Variants in OTOG observed in about 807,000 individuals in gnomAD.
OTOG encodes otogelin.
OTOG carries 296 observed loss-of-function variants against 313.8 expected under a neutral mutation model. That is an observed-to-expected ratio of 0.94 (90% CI 0.86 to 1.04). The LOEUF is 1.04. OTOG is among the 50% of genes least tolerant of loss of function. OTOG has a pLI of 0.00. For missense variants in OTOG, 3,948 were observed against 3,840.1 expected, an observed-to-expected ratio of 1.03 and a Z score of -0.74; for synonymous variants, 1,533 against 1,554.9, an observed-to-expected ratio of 0.99 and a Z score of 0.33.
At position 17,555,772 on chromosome 11, in the gene OTOG, T is replaced by C. The variant is rs754249890; in HGVS notation, c.541-7T>C. ...CCTGCAAACCAGCCTCTGAACTCCC[T>C]ACTCAGGTACACAATGACCCGCAGT... On this transcript the variant is annotated splice_region_variant and splice_polypyrimidine_tract_variant and intron_variant, in intron 6 of 55. Transcript: ENST00000399397. The C allele has an allele frequency of 3.2e-6, 5 of 1,549,446 alleles. No individual in the cohort carries two copies. Among genetic ancestry groups the C allele is most frequent in the African/African-American group, 1.4e-5 (1 of 73,028 alleles).
Position 17,557,123 on chromosome 11 carries a change from A to G in OTOG, c.665A>G (p.Gln222Arg), listed in dbSNP as rs1277469690. 6.5e-7 allele frequency: 1 copy of G among 1,549,998 alleles called. No homozygotes were observed. The highest frequency in any genetic ancestry group is 8.7e-7 in the Non-Finnish European group (1 of 1,146,994). Residue 222 changes from glutamine (Q) to arginine (R), a missense_variant, in exon 8 of 56, where the codon CAA becomes CGA. Coordinates refer to ENST00000399397, the MANE Select transcript of OTOG (RefSeq NM_001292063.2). ...CTCTGGGATGTGCCCTGCAGGGTCC[A>G]ACTGCCACATGTCATGGGGAGCGCG... is the stretch of plus-strand genomic sequence containing the variant. ...KEVTHGGMRV[Q>R]LPHVMGSARL...
chr11:17,593,999 C>T (rs1462175980), intron 27 of OTOG, 48 bp from the exon 28 acceptor site: 6 of 1,549,574 alleles, frequency 3.9e-6, no homozygotes, highest in South Asian at 2.4e-5. Flanking sequence ...GCCCGTGGCT[C>T]ACCTCTGGCA....
chr11:17,590,491 T>C (rs1852904971), intron 24 of OTOG, among the ~76,000 whole-genome samples: 1 of 152,236 alleles, frequency 6.6e-6, no homozygotes, highest in Non-Finnish European at 1.5e-5. Flanking sequence ...CAGGCTGCCA[T>C]GATCTCTTCC....
rs1590044134 is a variant in OTOG, at chr11:17,613,593, G to A, written c.6439-19G>A. 1 of 1,548,680 alleles carries A rather than the reference G, an allele frequency of 6.5e-7. No individual in the cohort carries two copies. The highest frequency in any genetic ancestry group is 8.7e-7 in the Non-Finnish European group (1 of 1,145,274). On this transcript the variant is annotated intron_variant, in intron 38 of 55. Transcript: ENST00000399397. ...GAGGACAGGGCTCCAAGTTGATGAGGGCTGGGTTCTCTCTGCAGGGGCACC... is the reference window on the plus strand; with the variant it reads ...GAGGACAGGGCTCCAAGTTGATGAGAGCTGGGTTCTCTCTGCAGGGGCACC...
At position 17,635,078 on chromosome 11, in the gene OTOG, A is replaced by G; in HGVS notation, c.7586-2A>G. 1 of 1,546,544 alleles carries G rather than the reference A, an allele frequency of 6.5e-7. No homozygotes were observed. The highest frequency in any genetic ancestry group is 8.7e-7 in the Non-Finnish European group (1 of 1,144,322). On this transcript the variant is annotated splice_acceptor_variant, in intron 45 of 55. Transcript: ENST00000399397. LOFTEE classifies it high-confidence loss of function. Reference sequence around the variant, plus strand: ...AGCACCTAAATTCAGCCTTTTCCCCAGAGTGTGACCCAGATCTCTGTGAGG... The same window carrying G: ...AGCACCTAAATTCAGCCTTTTCCCCGGAGTGTGACCCAGATCTCTGTGAGG...
Position 17,633,813 on chromosome 11 carries a change from C to G in OTOG, c.7206C>G (p.Cys2402Trp). ...HCQVLGEGCVCSEGTILHRRH... is the reference protein window; with the variant it reads ...HCQVLGEGCVWSEGTILHRRH... ...AGGTGCTGGGCGAGGGCTGCGTCTG[C>G]TCCGAGGGCACCATCTTACACCGGC... The change falls in exon 43 of 56, where the codon TGC (cysteine) becomes TGG (tryptophan). Residue 2402 changes from cysteine (C) to tryptophan (W), a missense_variant. Coordinates refer to ENST00000399397, the MANE Select transcript of OTOG (RefSeq NM_001292063.2). 1.3e-6 allele frequency: 2 copies of G among 1,550,282 alleles called. No homozygotes were observed. The highest frequency in any genetic ancestry group is 1.7e-6 in the Non-Finnish European group (2 of 1,146,930).
At chr11:17,639,333 T>C (rs1847919002) in intron 48 of OTOG, 90 bp from the exon 49 acceptor site, 1 of 1,382,786 alleles carries the variant, frequency 7.2e-7, no homozygotes, top group Non-Finnish European at 1.0e-6. Flanking sequence ...AGAAGACGGG[T>C]TGTGCCAGCA....
chr11:17,638,600 C>A, intron 48 of OTOG, 51 bp downstream of exon 48: 3 of 1,526,794 alleles, frequency 2.0e-6, no homozygotes, highest in South Asian at 1.2e-5. Context: ...AGTGGCCCTG[C>A]TGAGGAGGGA....
At chr11:17,560,528 T>G (rs1852157670) in intron 12 of OTOG, among the ~76,000 whole-genome samples, 181 bp from the exon 13 acceptor site, 2 of 152,180 alleles carry the variant, frequency 1.3e-5, no homozygotes, top group South Asian at 4.1e-4. Context: ...GGTGGGATTC[T>G]TTCATCAGAA....
At chr11:17,621,277 C>T (rs959033037) in intron 39 of OTOG, among the ~76,000 whole-genome samples, 2 of 152,210 alleles carry the variant, frequency 1.3e-5, no homozygotes, top group Non-Finnish European at 2.9e-5. Flanking sequence ...CCTTCTGAGG[C>T]TTGCCTTTAA....
rs1853102270 is a variant in OTOG, at chr11:17,596,209, T to C, written c.3525+55T>C. 4.7e-6 allele frequency: 6 copies of C among 1,270,608 alleles called. No homozygotes were observed. In the South Asian group the frequency reaches 7.7e-5, roughly 16 times the overall value. The allele number at this position is 1,270,608 out of a possible 1,614,324, so 78.7% of individuals were successfully genotyped here. A position where few individuals can be genotyped will look rare whatever the true frequency, so the allele number is the denominator to read the frequency against. ...GAGTGCCCCCTCCACTGTCCTGGGA[T>C]CCCTTCAGCTCTCAGACTCCCCCAT... On this transcript the variant is annotated intron_variant, in intron 29 of 55. Coordinates refer to ENST00000399397, the MANE Select transcript of OTOG (RefSeq NM_001292063.2).
intron 33 of OTOG, among the ~76,000 whole-genome samples, chr11:17,606,868 C>A (rs187437821): frequency 2.0e-5 from 3 of 152,212 alleles, no homozygotes; most frequent in South Asian, 2.1e-4. Flanking sequence ...TTCCCTTCAG[C>A]GGTCAGTTAT....
chr11:17,608,083 G>C (rs1354738006), intron 33 of OTOG, among the ~76,000 whole-genome samples: 1 of 152,016 alleles, frequency 6.6e-6, no homozygotes, highest in Admixed American at 6.5e-5. Context: ...CCTCAGTCCT[G>C]CATTCAGCTC....
At chr11:17,577,222 G>A (rs1004646635) in intron 22 of OTOG, among the ~76,000 whole-genome samples, 21 of 152,226 alleles carry the variant, frequency 1.4e-4, no homozygotes, top group African/African-American at 5.1e-4. Context: ...GACTTCCTTT[G>A]GGTCCTGATG....
At chr11:17,577,167 G>C (rs1196854554) in intron 22 of OTOG, among the ~76,000 whole-genome samples, 2 of 152,222 alleles carry the variant, frequency 1.3e-5, no homozygotes, top group African/African-American at 4.8e-5. Context: ...CTTCCTTCAG[G>C]GCAATGATCT....
At position 17,612,329 on chromosome 11, in the gene OTOG, CTG is replaced by C. The variant is rs1203130034; in HGVS notation, c.6292+2_6292+3del. On this transcript the variant is annotated splice_donor_variant and coding_sequence_variant, in exon 37 of 56. Coordinates refer to ENST00000399397, the MANE Select transcript of OTOG (RefSeq NM_001292063.2). LOFTEE classifies it high-confidence loss of function. ...GCTGCTGCCCACTCTGGGAGTGTGC[CTG>C]TGAGTCATGGGATCAGCGGAGCCTC... The C allele has an allele frequency of 3.3e-6, 5 of 1,530,510 alleles. No individual in the cohort carries two copies. In the South Asian group the frequency reaches 6.0e-5, roughly 18 times the overall value. The allele number at this position is 1,530,510 out of a possible 1,614,324, so 94.8% of individuals were successfully genotyped here. A position where few individuals can be genotyped will look rare whatever the true frequency, so the allele number is the denominator to read the frequency against.
intron 23 of OTOG, among the ~76,000 whole-genome samples, chr11:17,584,530 A>AT (rs111398332): frequency 0.05 from 7,269 of 145,640 alleles, 217 homozygotes; most frequent in African/African-American, 0.08. Context: ...TTGTCATTTG[A>AT]TTTTTTTTTT....
intron 37 of OTOG, 25 bp from the exon 38 acceptor site, chr11:17,612,595 T>C: frequency 6.5e-7 from 1 of 1,544,386 alleles, no homozygotes; most frequent in Non-Finnish European, 8.7e-7. Flanking sequence ...CCACCTATTC[T>C]TCTTGTGCCC....
At chr11:17,560,099 C>A (rs1197814776) in intron 12 of OTOG, among the ~76,000 whole-genome samples, 3 of 152,188 alleles carry the variant, frequency 2.0e-5, no homozygotes, top group African/African-American at 7.2e-5. Context: ...GAGAACAGAT[C>A]ATTGGTTTAT....
Sources: allele counts gnomAD v4.1 joint callset (sites outside exome capture counted in the v4.1 genomes callset), GRCh38; gene constraint gnomAD v4.1.1; transcripts MANE v1.5; gene names NCBI Gene and HGNC (gene_info 2026-07-23, HGNC 2026-07-21).